The following GALNTL6 variants were observed in gnomAD, a reference collection of about 807,000 sequenced individuals.
GALNTL6 encodes polypeptide N-acetylgalactosaminyltransferase like 6, also known as polypeptide N-acetylgalactosaminyltransferase-like 6.
In GALNTL6, 46 loss-of-function variants were observed where a neutral mutation model predicts 73.7. The observed-to-expected ratio is 0.62, with a 90% CI of 0.49 to 0.80. The LOEUF (loss-of-function observed/expected upper bound fraction) is 0.80. Ranked by LOEUF, GALNTL6 falls within the 30% of genes least tolerant of loss-of-function variation. The pLI is 0.00. For missense variants in GALNTL6, 604 were observed against 755.0 expected (o/e 0.80, Z 2.34); for synonymous variants, 259 against 263.7 (o/e 0.98, Z 0.17).
chr4:172,783,010 C>T (rs1739453939), intron 5 of GALNTL6, among the ~76,000 whole-genome samples: 2 of 151,932 alleles, frequency 1.3e-5, no homozygotes, highest in Non-Finnish European at 2.9e-5. Flanking sequence ...TAGTGGTGAT[C>T]AGCTAAAGTG....
intron 8 of GALNTL6, among the ~76,000 whole-genome samples, chr4:172,892,862 C>T (rs1327036935): frequency 6.6e-6 from 1 of 152,088 alleles, no homozygotes; most frequent in African/African-American, 2.4e-5. Context: ...AGGGGCAGCC[C>T]AAGGCAAGGT....
intron 2 of GALNTL6, among the ~76,000 whole-genome samples, chr4:172,137,796 A>C (rs1733677022): frequency 6.6e-6 from 1 of 152,222 alleles, no homozygotes; most frequent in Admixed American, 6.5e-5. Flanking sequence ...AGCAACTGCA[A>C]GAACAGAGAG....
At chr4:172,301,178 A>T (rs974348988) in intron 3 of GALNTL6, among the ~76,000 whole-genome samples, 9 of 152,094 alleles carry the variant, frequency 5.9e-5, no homozygotes, top group Admixed American at 5.9e-4. Context: ...AGGCTTGTGC[A>T]TTCGTCACGT....
At chr4:172,494,490 A>G (rs1734003628) in intron 5 of GALNTL6, among the ~76,000 whole-genome samples, 1 of 152,224 alleles carries the variant, frequency 6.6e-6, no homozygotes. Flanking sequence ...CTAACAGGAT[A>G]GATGAATATA....
chr4:172,560,216 G>A (rs966969589), intron 5 of GALNTL6, among the ~76,000 whole-genome samples: 6 of 152,020 alleles, frequency 3.9e-5, no homozygotes, highest in African/African-American at 1.2e-4. Context: ...GATGGTTCAC[G>A]GCTGTAGCTC....
chr4:172,748,100 A>G (rs1021998750), intron 5 of GALNTL6, among the ~76,000 whole-genome samples: 1 of 152,216 alleles, frequency 6.6e-6, no homozygotes, highest in Non-Finnish European at 1.5e-5. Flanking sequence ...AGAAAGACCA[A>G]AACACTTATA....
chr4:172,925,175 GTTT>G (rs199993886), intron 8 of GALNTL6, among the ~76,000 whole-genome samples: 11,536 of 137,382 alleles, frequency 0.084, 1,055 homozygotes, highest in African/African-American at 0.23. Context: ...CCAGGCTTAT[GTTT>G]TTTTTTTTTT....
At chr4:172,442,118 G>C (rs1299945726) in intron 5 of GALNTL6, among the ~76,000 whole-genome samples, 2 of 152,144 alleles carry the variant, frequency 1.3e-5, no homozygotes, top group Non-Finnish European at 2.9e-5. Flanking sequence ...AGTTGATGAA[G>C]ATGTTTTGAT....
chr4:172,198,886 A>G (rs836314), intron 2 of GALNTL6, among the ~76,000 whole-genome samples: 66,712 of 151,926 alleles, frequency 0.44, 17,018 homozygotes, highest in East Asian at 0.8. Flanking sequence ...TTTTTTTTTA[A>G]ATTTTGGCTA....
chr4:172,016,275 T>C (rs1034663528), intron 2 of GALNTL6, among the ~76,000 whole-genome samples: 2 of 152,064 alleles, frequency 1.3e-5, no homozygotes, highest in Non-Finnish European at 2.9e-5. Context: ...TTCTTTTCTC[T>C]TTATCTTTGT....
chr4:172,267,230 A>G (rs1229973786), intron 3 of GALNTL6, among the ~76,000 whole-genome samples: 1 of 152,146 alleles, frequency 6.6e-6, no homozygotes, highest in Non-Finnish European at 1.5e-5. Flanking sequence ...AGAGCTACAT[A>G]TACATTTCTA....
intron 5 of GALNTL6, among the ~76,000 whole-genome samples, chr4:172,564,120 A>C (rs1193790923): frequency 6.6e-6 from 1 of 152,158 alleles, no homozygotes; most frequent in Admixed American, 6.5e-5. Flanking sequence ...GTCTTAAAGA[A>C]CTCATTACAC....
chr4:172,239,628 T>C (rs1737352696), intron 3 of GALNTL6, among the ~76,000 whole-genome samples: 1 of 152,212 alleles, frequency 6.6e-6, no homozygotes, highest in Non-Finnish European at 1.5e-5. Flanking sequence ...TTTTGCTAGC[T>C]TTGGGGTTGG....
intron 2 of GALNTL6, among the ~76,000 whole-genome samples, chr4:172,165,243 A>G (rs1197739652): frequency 6.6e-6 from 1 of 152,116 alleles, no homozygotes. Flanking sequence ...CCAGCAACCA[A>G]TTACGATATT....
intron 7 of GALNTL6, among the ~76,000 whole-genome samples, chr4:172,844,752 G>A (rs540268679): frequency 6.6e-6 from 1 of 152,194 alleles, no homozygotes; most frequent in Admixed American, 6.5e-5. Context: ...AGGTGCCACA[G>A]GTCAATTATG....
Position 171,965,705 on chromosome 4 carries a change from G to A in GALNTL6, c.138+150987G>A, listed in dbSNP as rs571531354. 4.1e-5 allele frequency among the ~76,000 whole-genome samples: 6 copies of A among 146,948 alleles called. No homozygotes were observed. In the South Asian group the frequency reaches 1.3e-3, roughly 32 times the overall value. On this transcript the variant is annotated intron_variant, in intron 2 of 12. Transcript: ENST00000506823. ...AAGAGTCAATGGGATAATACCATAT[G>A]AATTACACCTATAAAAAGCTAGCTG... is the stretch of plus-strand genomic sequence containing the variant.
chr4:172,925,172 T>G (rs1341123123), intron 8 of GALNTL6, among the ~76,000 whole-genome samples: 2 of 145,010 alleles, frequency 1.4e-5, no homozygotes, highest in Non-Finnish European at 3.0e-5. Context: ...GCACCAGGCT[T>G]ATGTTTTTTT....
intron 3 of GALNTL6, among the ~76,000 whole-genome samples, chr4:172,280,406 C>T (rs565119869): frequency 6.6e-6 from 1 of 152,066 alleles, no homozygotes; most frequent in East Asian, 1.9e-4. Context: ...TTTAGGATCT[C>T]CTTTTCTTTT....
At chr4:172,471,785 C>T (rs758318808) in intron 5 of GALNTL6, among the ~76,000 whole-genome samples, 10 of 152,254 alleles carry the variant, frequency 6.6e-5, no homozygotes, top group Admixed American at 3.9e-4. Context: ...TTTTGCACAG[C>T]GCTTAGAAAG....
Sources: gnomAD v4.1 joint callset for allele counts (sites outside exome capture counted in the v4.1 genomes callset) on GRCh38, gnomAD v4.1.1 for gene constraint, MANE v1.5 for transcripts, NCBI Gene and HGNC (gene_info 2026-07-23, HGNC 2026-07-21) for gene names.